The following PSD3 variants were observed in gnomAD, a reference collection of about 807,000 sequenced individuals.
The protein encoded by PSD3 is PH and SEC7 domain-containing protein 3.
A neutral mutation model predicts 105.5 loss-of-function variants in PSD3; 49 were observed. The observed-to-expected ratio is 0.46, with a 90% CI of 0.37 to 0.59. PSD3 has a LOEUF of 0.59. PSD3 is among the 20% of genes least tolerant of loss of function. The pLI is 0.00. For missense variants in PSD3, 1,561 were observed against 1,263.8 expected (o/e 1.24, Z -3.57); for synonymous variants, 557 against 457.8 (o/e 1.22, Z -2.77).
chr8:18,690,972 T>C (rs1203255513), intron 9 of PSD3, among the ~76,000 whole-genome samples: 4 of 151,724 alleles, frequency 2.6e-5, no homozygotes, highest in African/African-American at 9.7e-5. Context: ...TCAACCTTAA[T>C]GAACAATCAC....
chr8:18,789,737 T>A (rs1809517243), intron 8 of PSD3, among the ~76,000 whole-genome samples: 1 of 152,174 alleles, frequency 6.6e-6, no homozygotes, highest in African/African-American at 2.4e-5. Context: ...AGGACTGGCA[T>A]TAAAGTAAGC....
intron 1 of PSD3, among the ~76,000 whole-genome samples, chr8:19,075,124 T>C (rs1408848321): frequency 2.0e-5 from 3 of 151,610 alleles, no homozygotes; most frequent in Non-Finnish European, 4.4e-5. Flanking sequence ...ATTTTTGTAT[T>C]TTCAGTAGAG....
At chr8:18,799,394 T>G (rs1280245351) in intron 7 of PSD3, 41 bp from the exon 8 acceptor site, 1 of 1,479,500 alleles carries the variant, frequency 6.8e-7, no homozygotes, top group Non-Finnish European at 9.4e-7. Context: ...AATTCGCTTT[T>G]CACTGTTGGA....
chr8:19,080,304 A>G (rs1420784852), intron 1 of PSD3, among the ~76,000 whole-genome samples: 1 of 152,256 alleles, frequency 6.6e-6, no homozygotes, highest in Non-Finnish European at 1.5e-5. Context: ...GGAGACAATG[A>G]GAGAAGCTAG....
chr8:18,796,731 G>A (rs576976593), intron 8 of PSD3, among the ~76,000 whole-genome samples: 1 of 152,132 alleles, frequency 6.6e-6, no homozygotes, highest in African/African-American at 2.4e-5. Flanking sequence ...GGACAAGCTG[G>A]TCTTGGCACT....
intron 9 of PSD3, among the ~76,000 whole-genome samples, chr8:18,662,961 G>A (rs536097582): frequency 1.1e-3 from 170 of 152,254 alleles, no homozygotes; most frequent in African/African-American, 3.9e-3. Context: ...TGGGGGAAGG[G>A]GAGCAATGGG....
chr8:18,546,117 C>T (rs1800436175), intron 15 of PSD3, among the ~76,000 whole-genome samples: 1 of 152,126 alleles, frequency 6.6e-6, no homozygotes, highest in African/African-American at 2.4e-5. Context: ...TCTCCTGCCT[C>T]AGCAAGTAGA....
intron 14 of PSD3, among the ~76,000 whole-genome samples, chr8:18,568,703 CTTCTT>C (rs1326858481): frequency 4.6e-5 from 1 of 21,528 alleles, no homozygotes; most frequent in Non-Finnish European, 1.7e-4. Context: ...GTACCTTCTT[CTTCTT>C]TTTTTTTTTT....
At chr8:18,621,756 T>C (rs1182535553) in intron 11 of PSD3, among the ~76,000 whole-genome samples, 2 of 152,188 alleles carry the variant, frequency 1.3e-5, no homozygotes, top group African/African-American at 4.8e-5. Flanking sequence ...AACCTTAGCC[T>C]AGTTTTAAAA....
Position 18,759,830 on chromosome 8 carries a change from G to A in PSD3, c.2172+5619C>T, listed in dbSNP as rs1228499963. Among the ~76,000 whole-genome samples, 5 of 151,950 alleles carry A rather than the reference G, an allele frequency of 3.3e-5. No individual in the cohort carries two copies. In the South Asian group the frequency reaches 1.0e-3, roughly 32 times the overall value. On this transcript the variant is annotated intron_variant, in intron 9 of 15. Coordinates refer to ENST00000327040, the MANE Select transcript of PSD3 (RefSeq NM_015310.4). Reference sequence around the variant, plus strand: ...TTCTCAGTTTCTTCCCTTCTTTCATGTAAATACATTTTCAAATGGACAATT... The same window carrying A: ...TTCTCAGTTTCTTCCCTTCTTTCATATAAATACATTTTCAAATGGACAATT...
intron 2 of PSD3, among the ~76,000 whole-genome samples, chr8:18,881,260 G>A (rs1418703354): frequency 6.6e-6 from 1 of 152,154 alleles, no homozygotes; most frequent in African/African-American, 2.4e-5. Flanking sequence ...TTTTAGGAGT[G>A]CTTTGGGTTA....
intron 4 of PSD3, among the ~76,000 whole-genome samples, chr8:18,862,723 G>T (rs1401706187): frequency 6.6e-6 from 1 of 151,824 alleles, no homozygotes; most frequent in Non-Finnish European, 1.5e-5. Flanking sequence ...AAACTGGGAT[G>T]TTGAAACAGT....
intron 9 of PSD3, among the ~76,000 whole-genome samples, chr8:18,755,725 T>G (rs1805982990): frequency 6.6e-6 from 1 of 151,792 alleles, no homozygotes; most frequent in South Asian, 2.1e-4. Context: ...TCTGTTCTGT[T>G]AAAACATTGT....
chr8:18,788,509 T>A (rs1809398717), intron 8 of PSD3, among the ~76,000 whole-genome samples: 1 of 152,206 alleles, frequency 6.6e-6, no homozygotes, highest in African/African-American at 2.4e-5. Context: ...GGCAGCTGTG[T>A]CAATCAGGTA....
rs1293201169 is a variant in PSD3, at chr8:18,841,727, T to C, written c.1634+25947A>G. Reference sequence around the variant, plus strand: ...AAGAGACCTCCATCTGGCGCTAACATGAATGAACCATCTTCAGGAAGTCTC... The same window carrying C: ...AAGAGACCTCCATCTGGCGCTAACACGAATGAACCATCTTCAGGAAGTCTC... On this transcript the variant is annotated intron_variant, in intron 4 of 15. Coordinates refer to ENST00000327040, the MANE Select transcript of PSD3 (RefSeq NM_015310.4). Among the ~76,000 whole-genome samples the C allele has an allele frequency of 3.9e-5, 6 of 152,264 alleles. No homozygotes were observed. In the South Asian group the frequency reaches 8.3e-4, roughly 21 times the overall value.
rs1182815570 is a variant in PSD3 at position 18,871,700 on chromosome 8, T to C, written c.1164A>G (p.Gly388=). ...TFSPVRLDES[G]EDEVFLQENK... is the part of the protein sequence containing the mutation. ...TTTCCTGTAGGAAGACTTCATCCTCTCCACTCTCATCAAGACGCACAGGGG... is the reference window on the plus strand; with the variant it reads ...TTTCCTGTAGGAAGACTTCATCCTCCCCACTCTCATCAAGACGCACAGGGG... Residue 388 remains glycine (G), a synonymous_variant, in exon 3 of 16, where the codon GGA becomes GGG. Coordinates refer to ENST00000327040, the MANE Select transcript of PSD3 (RefSeq NM_015310.4). 9.9e-6 allele frequency: 16 copies of C among 1,614,132 alleles called. No homozygotes were observed. Among genetic ancestry groups the C allele is most frequent in the Non-Finnish European group, 1.4e-5 (16 of 1,180,014 alleles).
intron 1 of PSD3, among the ~76,000 whole-genome samples, chr8:19,027,946 C>T (rs1004132498): frequency 1.3e-5 from 2 of 152,046 alleles, no homozygotes; most frequent in South Asian, 4.2e-4. Flanking sequence ...TGGATAAATA[C>T]CCTGGAGTGA....
intron 4 of PSD3, among the ~76,000 whole-genome samples, chr8:18,813,842 A>C (rs1255598175): frequency 1.3e-5 from 2 of 152,162 alleles, no homozygotes; most frequent in East Asian, 3.9e-4. Flanking sequence ...AGATCCATGT[A>C]TGATGCTTGG....
At chr8:19,041,289 G>C (rs1422867892) in intron 1 of PSD3, among the ~76,000 whole-genome samples, 1 of 152,198 alleles carries the variant, frequency 6.6e-6, no homozygotes, top group African/African-American at 2.4e-5. Flanking sequence ...CATTAACTCA[G>C]AGAAGAACAA....
Sources: gnomAD v4.1 joint callset for allele counts (sites outside exome capture counted in the v4.1 genomes callset) on GRCh38, gnomAD v4.1.1 for gene constraint, MANE v1.5 for transcripts, NCBI Gene and HGNC (gene_info 2026-07-23, HGNC 2026-07-21) for gene names.